The following SHANK2 variants were observed in gnomAD, a reference collection of about 807,000 sequenced individuals.
SHANK2 encodes the protein SH3 and multiple ankyrin repeat domains protein 2.
A neutral mutation model predicts 133.7 loss-of-function variants in SHANK2; 43 were observed. That is an observed-to-expected ratio of 0.32 (90% confidence interval 0.25 to 0.41). The LOEUF is 0.41. Among genes scored for constraint, SHANK2 ranks in the 10% least tolerant of loss-of-function variants. The pLI is 1.00. For missense variants in SHANK2, 1,994 were observed against 2,235.8 expected (o/e 0.89, Z 2.18); for synonymous variants, 1,017 against 952.8 (o/e 1.07, Z -1.24).
At chr11:70,662,038 A>G in intron 15 of SHANK2, 1 of 519,624 alleles carries the variant, frequency 1.9e-6, no homozygotes, top group Non-Finnish European at 3.5e-6. Context: ...AGTGGCCCGA[A>G]CGGCGGCGGC....
chr11:71,125,951 G>T (rs575432377), intron 3 of SHANK2, among the ~76,000 whole-genome samples: 1 of 152,224 alleles, frequency 6.6e-6, no homozygotes, highest in African/African-American at 2.4e-5. Flanking sequence ...CAGGCGCGGT[G>T]GCTCACGCCT....
chr11:70,801,101 C>T (rs115480473), intron 13 of SHANK2, among the ~76,000 whole-genome samples: 2,472 of 152,278 alleles, frequency 0.016, 59 homozygotes, highest in African/African-American at 0.056. Context: ...ATCGGAGGCA[C>T]GTGAGCCCAG....
intron 17 of SHANK2, among the ~76,000 whole-genome samples, chr11:70,632,568 A>C (rs1555002627): frequency 6.6e-6 from 1 of 151,970 alleles, no homozygotes; most frequent in Non-Finnish European, 1.5e-5. Context: ...GTTTTATAGA[A>C]CCGCCTTTTA....
In SHANK2 at chr11:70,502,955, C is replaced by T. The variant is rs782670026; in HGVS notation, c.2062-24G>A. The T allele has an allele frequency of 3.3e-5, 53 of 1,613,736 alleles. No homozygotes were observed. In the Admixed American group the frequency reaches 3.7e-4, roughly 11 times the overall value. ...ACCTGTGGGAAGGCGGAGAGGATGG[C>T]ATCAGTGAGAGCCAGCGGAGAGGAA... is the stretch of plus-strand genomic sequence containing the variant. On this transcript the variant is annotated intron_variant, in intron 17 of 25. Transcript: ENST00000601538.
intron 3 of SHANK2, among the ~76,000 whole-genome samples, chr11:71,133,971 G>A (rs1391805268): frequency 6.7e-6 from 1 of 150,082 alleles, no homozygotes; most frequent in Non-Finnish European, 1.5e-5. Context: ...CGTTGCCCAG[G>A]TGATCCCCCT....
In SHANK2 at chr11:70,473,040, A is replaced by G; in HGVS notation, c.5379T>C (p.Asp1793=). Residue 1793 remains aspartate (D), a synonymous_variant, in exon 26 of 26, where the codon GAT becomes GAC. Transcript: ENST00000601538. The surrounding 1 kb of genome is among the most constrained non-coding windows in gnomAD (Gnocchi z 5.9). ...CACCCAAGTTTAGACTTTCCAGCCA[A>G]TCGGCCACATCTGGTTTAGTCCACA... ...VHLWTKPDVA[D]WLESLNLGEH... The G allele has an allele frequency of 8.7e-6, 14 of 1,614,220 alleles. No homozygotes were observed. The highest frequency in any genetic ancestry group is 1.1e-5 in the Non-Finnish European group (13 of 1,180,040).
At chr11:71,066,090 T>A (rs1322502033) in intron 9 of SHANK2, among the ~76,000 whole-genome samples, 1 of 7,344 alleles carries the variant, frequency 1.4e-4, no homozygotes, top group African/African-American at 6.1e-4. Flanking sequence ...GGGAAGTTGG[T>A]GGGGGGGGTG....
chr11:70,661,698 G>A lies in SHANK2; in HGVS notation c.1854-20C>T. The A allele has an allele frequency of 1.2e-6, 2 of 1,614,124 alleles. No homozygotes were observed. The highest frequency in any genetic ancestry group is 1.1e-5 in the South Asian group (1 of 91,074). ...CAGTCACTGTAGAGAGAATTCCGGG[G>A]ACAGCGACCATTATTGTAGCCCGTC... On this transcript the variant is annotated intron_variant, in intron 15 of 25. Transcript: ENST00000601538.
At chr11:70,713,293 C>G (rs907883638) in intron 14 of SHANK2, among the ~76,000 whole-genome samples, 2 of 152,242 alleles carry the variant, frequency 1.3e-5, no homozygotes, top group Non-Finnish European at 2.9e-5. Context: ...GCTCCTGGCA[C>G]AGTTGGTTTT....
chr11:70,850,383 T>A (rs2135463911), intron 11 of SHANK2, among the ~76,000 whole-genome samples: 1 of 152,328 alleles, frequency 6.6e-6, no homozygotes, highest in Admixed American at 6.5e-5. Context: ...TGATGCATTT[T>A]TTCAAGCAAC....
At chr11:70,617,676 T>C (rs2060769686) in intron 17 of SHANK2, among the ~76,000 whole-genome samples, 1 of 151,902 alleles carries the variant, frequency 6.6e-6, no homozygotes, top group Non-Finnish European at 1.5e-5. Context: ...GAAAGAGGCT[T>C]TCATGATCAA....
chr11:70,791,297 C>T (rs1947781613), intron 14 of SHANK2, among the ~76,000 whole-genome samples: 2 of 152,114 alleles, frequency 1.3e-5, no homozygotes, highest in South Asian at 4.2e-4. Flanking sequence ...GTGTCCCTGC[C>T]CTCAGAGAGC....
chr11:70,486,124 C>T lies in SHANK2; in HGVS notation c.4169G>A (p.Arg1390His), dbSNP rs781838189. 9 of 1,613,070 alleles carry T rather than the reference C, an allele frequency of 5.6e-6. No individual in the cohort carries two copies. Among genetic ancestry groups the T allele is most frequent in the South Asian group, 3.3e-5 (3 of 91,064 alleles). ...SMEEAVILPF[R>H]IPPPPLASVD... ...GGATGCCAGAGGGGGAGGAGGGATGCGGAATGGCAAAATCACCGCCTCTTC... is the reference window on the plus strand; with the variant it reads ...GGATGCCAGAGGGGGAGGAGGGATGTGGAATGGCAAAATCACCGCCTCTTC... The change falls in exon 25 of 26, where the codon CGC becomes CAC. Residue 1390 changes from arginine to histidine, a missense_variant. By Grantham distance (29) the Arg-to-His change is conservative (BLOSUM62 0). This residue lies in a region of SHANK2 where 797 missense variants were observed against 907.4 expected (regional missense o/e 0.88). Coordinates refer to ENST00000601538, the MANE Select transcript of SHANK2 (RefSeq NM_012309.5). This position sits in a 1 kb window ranked among gnomAD's most constrained non-coding sequence, Gnocchi z 8.0.
chr11:70,533,190 T>G (rs2059499486), intron 17 of SHANK2, among the ~76,000 whole-genome samples: 1 of 152,232 alleles, frequency 6.6e-6, no homozygotes, highest in Non-Finnish European at 1.5e-5. Flanking sequence ...ACCCTGTGAT[T>G]GTGTCGAATA....
chr11:70,927,158 T>G (rs529993357), intron 10 of SHANK2, among the ~76,000 whole-genome samples: 1 of 152,086 alleles, frequency 6.6e-6, no homozygotes, highest in East Asian at 1.9e-4. Context: ...TAATAAGAAG[T>G]AGACTCCAAT....
At chr11:71,126,575 C>G (rs1257111975) in intron 3 of SHANK2, among the ~76,000 whole-genome samples, 1 of 152,188 alleles carries the variant, frequency 6.6e-6, no homozygotes, top group African/African-American at 2.4e-5. Flanking sequence ...ACAGATTCCT[C>G]AGATGGAGCT....
intron 14 of SHANK2, among the ~76,000 whole-genome samples, chr11:70,770,895 C>T (rs1389878475): frequency 6.8e-6 from 1 of 148,088 alleles, no homozygotes; most frequent in Non-Finnish European, 1.5e-5. Context: ...CTCCTTCTCT[C>T]CTTCCCTCCC....
chr11:70,911,543 C>T (rs929420541), intron 10 of SHANK2, among the ~76,000 whole-genome samples: 1 of 152,062 alleles, frequency 6.6e-6, no homozygotes, highest in Admixed American at 6.6e-5. Context: ...ATTTGCCCCC[C>T]AACTTCTCCT....
At chr11:71,126,858 C>A (rs1331270391) in intron 3 of SHANK2, among the ~76,000 whole-genome samples, 1 of 151,920 alleles carries the variant, frequency 6.6e-6, no homozygotes, top group Admixed American at 6.6e-5. Flanking sequence ...CAGGTGCCCA[C>A]CACCCTACCC....
Sources: allele counts gnomAD v4.1 joint callset (sites outside exome capture counted in the v4.1 genomes callset), GRCh38; gene constraint gnomAD v4.1.1; regional missense constraint gnomAD v4.1.1; non-coding constraint Gnocchi (gnomAD v3.1); transcripts MANE v1.5; gene names NCBI Gene and HGNC (gene_info 2026-07-23, HGNC 2026-07-21).